The following PAK5 variants were observed in gnomAD, a reference collection of about 807,000 sequenced individuals.
PAK5 encodes the protein p21 (RAC1) activated kinase 5, also known as serine/threonine-protein kinase PAK 5.
Under a neutral mutation model 65.9 loss-of-function variants are expected in PAK5, and 16 were observed. That is an observed-to-expected ratio of 0.24 (90% CI 0.16 to 0.37). The LOEUF is 0.37. PAK5 is among the 10% of genes least tolerant of loss of function. The pLI, the probability that PAK5 is intolerant of heterozygous loss-of-function variation, is 1.00. For missense variants in PAK5, 785 were observed against 903.9 expected (o/e 0.87, Z 1.69); for synonymous variants, 371 against 354.9 (o/e 1.05, Z -0.51).
At chr20:9,649,593 T>G (rs927389753) in intron 2 of PAK5, among the ~76,000 whole-genome samples, 1 of 152,186 alleles carries the variant, frequency 6.6e-6, no homozygotes, top group African/African-American at 2.4e-5. Context: ...CTTAAGCATA[T>G]GCCTAGTCTA....
chr20:9,729,200 A>C (rs1358893264), intron 1 of PAK5, among the ~76,000 whole-genome samples: 1 of 151,862 alleles, frequency 6.6e-6, no homozygotes, highest in Admixed American at 6.6e-5. Context: ...GTGCCACTGC[A>C]CTCCAGCCTG....
chr20:9,744,614 A>G (rs2048486202), intron 1 of PAK5, among the ~76,000 whole-genome samples: 2 of 152,172 alleles, frequency 1.3e-5, no homozygotes, highest in South Asian at 4.1e-4. Flanking sequence ...CAATTGGCAG[A>G]CCCTTGGGAT....
In PAK5 at chr20:9,800,915, C is replaced by A. The variant is rs369423665; in HGVS notation, c.-162+37847G>T. The stretch of plus-strand genomic sequence containing the variant: ...AGAGCTAAGATGCCACAGACACCAC[C>A]GAGAGCTAACTAGTGAAAGAAATAA... On this transcript the variant is annotated intron_variant, in intron 1 of 9. Coordinates refer to ENST00000353224, the MANE Select transcript of PAK5 (RefSeq NM_177990.4). Among the ~76,000 whole-genome samples, 22 of 151,936 alleles carry A rather than the reference C, an allele frequency of 1.4e-4. No homozygotes were observed. The South Asian group carries it at 4.0e-3, about 27-fold the overall frequency.
chr20:9,793,120 T>C (rs1383128468), intron 1 of PAK5, among the ~76,000 whole-genome samples: 3 of 152,130 alleles, frequency 2.0e-5, no homozygotes, highest in Admixed American at 1.3e-4. Context: ...ATCAATACAC[T>C]GGTCACTCCC....
At chr20:9,813,388 GA>G (rs1319349055) in intron 1 of PAK5, among the ~76,000 whole-genome samples, 1 of 151,982 alleles carries the variant, frequency 6.6e-6, no homozygotes, top group East Asian at 1.9e-4. Flanking sequence ...AATAAAATAA[GA>G]AAAAATATAA....
intron 3 of PAK5, among the ~76,000 whole-genome samples, chr20:9,626,951 T>C (rs1236965597): frequency 6.6e-6 from 1 of 152,128 alleles, no homozygotes; most frequent in Admixed American, 6.5e-5. Context: ...GTGTAAAAAA[T>C]ACACCAAAAT....
At chr20:9,651,517 T>C (rs1471498544) in intron 2 of PAK5, among the ~76,000 whole-genome samples, 3 of 152,156 alleles carry the variant, frequency 2.0e-5, no homozygotes, top group Admixed American at 1.3e-4. Flanking sequence ...GTCCCACCCA[T>C]GGCAACATTT....
chr20:9,572,510 A>G (rs1244837734), intron 4 of PAK5, among the ~76,000 whole-genome samples: 1 of 152,250 alleles, frequency 6.6e-6, no homozygotes, highest in Non-Finnish European at 1.5e-5. Flanking sequence ...TTACAAATAC[A>G]TTCTAGAAAA....
intron 1 of PAK5, among the ~76,000 whole-genome samples, chr20:9,826,522 A>G (rs1278646917): frequency 8.5e-5 from 13 of 152,296 alleles, no homozygotes; most frequent in African/African-American, 2.6e-4. Context: ...AACTGCTGTC[A>G]TAGATAGTAT....
chr20:9,588,141 C>A (rs556091451), intron 3 of PAK5, among the ~76,000 whole-genome samples: 85 of 149,144 alleles, frequency 5.7e-4, no homozygotes, highest in Non-Finnish European at 9.9e-4. Context: ...AGGCTAGAAG[C>A]CTTAGAGTTA....
chr20:9,662,467 C>T (rs2047359426), intron 2 of PAK5, among the ~76,000 whole-genome samples: 3 of 152,148 alleles, frequency 2.0e-5, no homozygotes. Context: ...GCTCCCTTTG[C>T]ATCCAGGTAC....
intron 2 of PAK5, among the ~76,000 whole-genome samples, chr20:9,708,783 T>G (rs991660084): frequency 1.3e-5 from 2 of 152,126 alleles, no homozygotes; most frequent in African/African-American, 4.8e-5. Context: ...TCGAGACATA[T>G]GGGAGAAGAT....
At chr20:9,800,326 T>G (rs1252111717) in intron 1 of PAK5, among the ~76,000 whole-genome samples, 1 of 152,122 alleles carries the variant, frequency 6.6e-6, no homozygotes, top group East Asian at 1.9e-4. Context: ...TGATTTGATA[T>G]TCTCATTTAG....
At chr20:9,717,562 C>G (rs1320311104) in intron 1 of PAK5, among the ~76,000 whole-genome samples, 1 of 152,204 alleles carries the variant, frequency 6.6e-6, no homozygotes, top group Non-Finnish European at 1.5e-5. Context: ...AATGTCCTAG[C>G]TAAGCATAAC....
chr20:9,658,923 T>C (rs6056785), intron 2 of PAK5, among the ~76,000 whole-genome samples: 8,498 of 152,234 alleles, frequency 0.056, 767 homozygotes, highest in African/African-American at 0.19. Flanking sequence ...ATTTCTGGAA[T>C]TCACCACTCA....
intron 2 of PAK5, among the ~76,000 whole-genome samples, chr20:9,666,412 AG>A (rs2047418636): frequency 6.7e-6 from 1 of 148,996 alleles, no homozygotes; most frequent in Non-Finnish European, 1.5e-5. Flanking sequence ...CTTCAACAAA[AG>A]CACAACAACA....
At chr20:9,681,992 T>C (rs927483132) in intron 2 of PAK5, among the ~76,000 whole-genome samples, 1 of 152,222 alleles carries the variant, frequency 6.6e-6, no homozygotes, top group South Asian at 2.1e-4. Context: ...AAGGGTGTTG[T>C]ACAAACGCTT....
At chr20:9,752,045 G>A (rs2048583203) in intron 1 of PAK5, among the ~76,000 whole-genome samples, 1 of 152,104 alleles carries the variant, frequency 6.6e-6, no homozygotes, top group African/African-American at 2.4e-5. Context: ...TGGCAATAAC[G>A]TGTAAATTAA....
intron 3 of PAK5, among the ~76,000 whole-genome samples, chr20:9,628,442 T>C (rs1005230825): frequency 3.9e-5 from 6 of 152,258 alleles, no homozygotes; most frequent in Admixed American, 6.5e-5. Flanking sequence ...AAGACTATAC[T>C]CTTCCATAAA....
Sources: allele counts gnomAD v4.1 joint callset (sites outside exome capture counted in the v4.1 genomes callset), GRCh38; gene constraint gnomAD v4.1.1; transcripts MANE v1.5; gene names NCBI Gene and HGNC (gene_info 2026-07-23, HGNC 2026-07-21).